Variants in POT1 observed in about 807,000 individuals in gnomAD.
POT1 encodes protection of telomeres 1.
A neutral mutation model predicts 78.5 loss-of-function variants in POT1; 47 were observed. That is an observed-to-expected ratio of 0.60 (90% CI 0.47 to 0.76). The LOEUF is 0.76. Among genes scored for constraint, POT1 ranks in the 30% least tolerant of loss-of-function variants. The probability of loss-of-function intolerance (pLI) is 0.00; values close to 1 mark genes in which losing one functional copy is unlikely to be tolerated. For synonymous variants in POT1, 259 were observed against 260.7 expected (o/e 0.99, Z 0.06); for missense variants, 646 against 749.9 (o/e 0.86, Z 1.62).
Position 124,859,150 on chromosome 7 carries a change from G to T in POT1, c.547-38C>A. On this transcript the variant is annotated intron_variant, in intron 8 of 18. Coordinates refer to ENST00000357628, the MANE Select transcript of POT1 (RefSeq NM_015450.3). ...AGTAGAGTAGTTTTATGATCCTTTT[G>T]AAAAAATGCTTGTGCTAAAAAGTTT... 1 of 1,419,778 alleles carries T rather than the reference G, an allele frequency of 7.0e-7. No individual in the cohort carries two copies. Among genetic ancestry groups the T allele is most frequent in the Non-Finnish European group, 9.3e-7 (1 of 1,075,866 alleles). The allele number at this position is 1,419,778 out of a possible 1,614,324, so 87.9% of individuals were successfully genotyped here.
At chr7:124,866,018 A>G (rs767115954) in intron 7 of POT1, among the ~76,000 whole-genome samples, 1 of 152,094 alleles carries the variant, frequency 6.6e-6, no homozygotes, top group African/African-American at 2.4e-5. Flanking sequence ...GCTATACTGT[A>G]AAGACTCTGA....
chr7:124,875,930 T>C (rs1483551895), intron 6 of POT1, among the ~76,000 whole-genome samples: 1 of 152,172 alleles, frequency 6.6e-6, no homozygotes, highest in Non-Finnish European at 1.5e-5. Context: ...TAAAATGGCA[T>C]GGAAGTGGAT....
intron 6 of POT1, among the ~76,000 whole-genome samples, chr7:124,875,250 T>C (rs1795961641): frequency 6.6e-6 from 1 of 152,202 alleles, no homozygotes; most frequent in African/African-American, 2.4e-5. Flanking sequence ...GGATCTTTTT[T>C]CCTATATCTT....
chr7:124,907,727 T>C (rs1271093205), intron 3 of POT1, among the ~76,000 whole-genome samples: 1 of 152,090 alleles, frequency 6.6e-6, no homozygotes, highest in Non-Finnish European at 1.5e-5. Flanking sequence ...GGAACACTGA[T>C]AGCAGAAGAG....
chr7:124,876,847 C>A (rs1340682240), intron 6 of POT1, among the ~76,000 whole-genome samples: 1 of 152,174 alleles, frequency 6.6e-6, no homozygotes, highest in East Asian at 1.9e-4. Context: ...TTCTACTCTA[C>A]ATAGACTTTG....
chr7:124,847,112 T>C (rs891812091), intron 11 of POT1, 114 bp from the exon 12 acceptor site: 7 of 660,480 alleles, frequency 1.1e-5, no homozygotes, highest in African/African-American at 9.1e-5. Flanking sequence ...TGGTGAGATA[T>C]GCCACATTCA....
chr7:124,837,128 A>G (rs7787804), intron 14 of POT1: 150,821 of 219,854 alleles, frequency 0.69, 52,037 homozygotes, highest in East Asian at 0.8. Context: ...ACATTTATTA[A>G]GTCTTTAACC....
intron 17 of POT1, among the ~76,000 whole-genome samples, chr7:124,826,165 A>G (rs1440116041): frequency 6.6e-6 from 1 of 152,126 alleles, no homozygotes; most frequent in Non-Finnish European, 1.5e-5. Context: ...TACCTACGTG[A>G]TAGAGTCCCA....
At chr7:124,923,183 C>T (rs1797193207) in intron 2 of POT1, among the ~76,000 whole-genome samples, 1 of 151,422 alleles carries the variant, frequency 6.6e-6, no homozygotes, top group African/African-American at 2.4e-5. Flanking sequence ...AAAAATTCCT[C>T]GAAATGCCAG....
chr7:124,855,322 GTGGCAAAACATTTAAAAAA>G (rs1562989000), intron 9 of POT1, among the ~76,000 whole-genome samples: 1 of 148,202 alleles, frequency 6.7e-6, no homozygotes. Flanking sequence ...TGAAATAAAT[GTGGCAAAACATTTAAAAAA>G]TAAGGTGAAC....
rs2116461050 is a variant in POT1, at chr7:124,840,986, T to C, written c.1356A>G (p.Leu452=). ...TAAATATCTTACCTTCTATCAAAAG[T>C]AGACATTCATTTGAAAGCGGGAGAA... The part of the protein sequence containing the change: ...NGILPLSNEC[L]LLIEGGTLSE... Residue 452 remains leucine (L), a synonymous_variant, in exon 14 of 19, where the codon CTA becomes CTG. Coordinates refer to ENST00000357628, the MANE Select transcript of POT1 (RefSeq NM_015450.3). 3 of 1,599,846 alleles carry C rather than the reference T, an allele frequency of 1.9e-6. No individual in the cohort carries two copies. The highest frequency in any genetic ancestry group is 1.1e-5 in the South Asian group (1 of 90,700).
chr7:124,928,055 AAAT>A (rs1797317406), intron 2 of POT1, among the ~76,000 whole-genome samples: 1 of 152,214 alleles, frequency 6.6e-6, no homozygotes, highest in South Asian at 2.1e-4. Flanking sequence ...TGTGATGATT[AAAT>A]AATATACGTA....
chr7:124,858,774 C>T (rs1319577268), intron 9 of POT1, 183 bp downstream of exon 9: 2 of 409,620 alleles, frequency 4.9e-6, no homozygotes, highest in African/African-American at 2.1e-5. Context: ...TGCTCTAACC[C>T]ATTAAGTTTA....
intron 2 of POT1, among the ~76,000 whole-genome samples, chr7:124,921,627 C>T (rs1053091895): frequency 1.3e-5 from 2 of 152,038 alleles, no homozygotes; most frequent in African/African-American, 4.8e-5. Flanking sequence ...AATTTAAAAA[C>T]TCACTAAAAA....
chr7:124,857,782 C>G (rs1430828950), intron 9 of POT1, among the ~76,000 whole-genome samples: 1 of 152,212 alleles, frequency 6.6e-6, no homozygotes, highest in Non-Finnish European at 1.5e-5. Flanking sequence ...CTCATTCCTC[C>G]TGGATGCTAC....
intron 8 of POT1, 144 bp downstream of exon 8, chr7:124,863,206 T>C (rs1047056875): frequency 1.5e-5 from 11 of 739,738 alleles, no homozygotes; most frequent in South Asian, 1.2e-4. Context: ...TGCATGAATA[T>C]TGAGGCTCGT....
chr7:124,835,372 T>C lies in POT1; in HGVS notation c.1412A>G (p.Asn471Ser), dbSNP rs1033050488. The C allele has an allele frequency of 6.2e-7, 1 of 1,613,892 alleles. No homozygotes were observed. Among genetic ancestry groups the C allele is most frequent in the African/African-American group, 1.3e-5 (1 of 74,936 alleles). Residue 471 changes from asparagine to serine, a missense_variant, in exon 15 of 19, where the codon AAT becomes AGT. Asn to Ser is a conservative substitution (Grantham distance 46). Around this residue, in one of 2 missense-constraint regions of POT1, gnomAD observed 394 missense variants for 408.4 expected, o/e 0.96. Transcript: ENST00000357628. ...GCCAGATCTCACAGGAATTACACTA[T>C]TAAACTTGTTCGAGAGTTTGCAAAT... ...SEICKLSNKFNSVIPVRSGHE... is the reference protein window; with the variant it reads ...SEICKLSNKFSSVIPVRSGHE...
chr7:124,837,737 A>G (rs1332626434), intron 14 of POT1, among the ~76,000 whole-genome samples: 2 of 152,160 alleles, frequency 1.3e-5, no homozygotes, highest in African/African-American at 4.8e-5. Context: ...CTAATACATA[A>G]CCAAATACAT....
intron 6 of POT1, among the ~76,000 whole-genome samples, chr7:124,879,767 GA>G (rs943427347): frequency 6.6e-6 from 1 of 151,998 alleles, no homozygotes; most frequent in Non-Finnish European, 1.5e-5. Flanking sequence ...GTGATAAAGA[GA>G]AAAAAATCAC....
Sources: gnomAD v4.1 joint callset for allele counts (sites outside exome capture counted in the v4.1 genomes callset) on GRCh38, gnomAD v4.1.1 for gene constraint, gnomAD v4.1.1 regional missense constraint, MANE v1.5 for transcripts, NCBI Gene and HGNC (gene_info 2026-07-23, HGNC 2026-07-21) for gene names.